WWOX: variants seen among roughly 807,000 people sequenced by gnomAD.
WWOX encodes WW domain-containing oxidoreductase.
In WWOX, 69 loss-of-function variants were observed where a neutral mutation model predicts 46.2. The observed-to-expected ratio is 1.49, with a 90% CI of 1.23 to 1.82. The LOEUF is 1.82. Among genes scored for constraint, WWOX ranks in the 40% most tolerant of loss-of-function variants. The probability of loss-of-function intolerance (pLI) is 0.00; values close to 1 mark genes in which losing one functional copy is unlikely to be tolerated. For missense variants in WWOX, 919 were observed against 542.6 expected, an observed-to-expected ratio of 1.69 and a Z score of -6.89; for synonymous variants, 359 against 202.6, an observed-to-expected ratio of 1.77 and a Z score of -6.56.
At chr16:78,371,250 C>A (rs1277077311) in intron 5 of WWOX, among the ~76,000 whole-genome samples, 1 of 152,098 alleles carries the variant, frequency 6.6e-6, no homozygotes, top group Non-Finnish European at 1.5e-5. Flanking sequence ...CATCCACTTC[C>A]TAGCTATGAC....
chr16:78,805,671 A>C (rs1057499415), intron 8 of WWOX, among the ~76,000 whole-genome samples: 1 of 152,186 alleles, frequency 6.6e-6, no homozygotes, highest in Non-Finnish European at 1.5e-5. Context: ...TAAGACTTAA[A>C]CAGCTTCTTA....
At chr16:78,107,706 G>A (rs956511179) in intron 1 of WWOX, among the ~76,000 whole-genome samples, 1 of 152,082 alleles carries the variant, frequency 6.6e-6, no homozygotes, top group Non-Finnish European at 1.5e-5. Context: ...AAGGTGGCAC[G>A]GGCTTCTAGT....
intron 8 of WWOX, among the ~76,000 whole-genome samples, chr16:78,916,013 T>A (rs2045242511): frequency 6.6e-6 from 1 of 152,192 alleles, no homozygotes. Context: ...TTTTGAACTC[T>A]AATTAGGGAA....
intron 5 of WWOX, among the ~76,000 whole-genome samples, chr16:78,313,439 T>C (rs963899347): frequency 1.3e-5 from 2 of 152,202 alleles, no homozygotes; most frequent in African/African-American, 4.8e-5. Context: ...CGATCTTAGC[T>C]CACCACAAGC....
At chr16:78,602,538 C>T (rs909603174) in intron 8 of WWOX, among the ~76,000 whole-genome samples, 7 of 152,022 alleles carry the variant, frequency 4.6e-5, no homozygotes, top group Admixed American at 6.6e-5. Flanking sequence ...GGCCTCTTCT[C>T]GATAGATCTT....
intron 8 of WWOX, among the ~76,000 whole-genome samples, chr16:78,567,694 C>T (rs2044607426): frequency 6.6e-6 from 1 of 152,082 alleles, no homozygotes; most frequent in African/African-American, 2.4e-5. Context: ...TGGCTGTTCC[C>T]CACTGGCTGT....
intron 8 of WWOX, among the ~76,000 whole-genome samples, chr16:79,038,287 A>G (rs1347945075): frequency 6.6e-6 from 1 of 152,220 alleles, no homozygotes; most frequent in Non-Finnish European, 1.5e-5. Context: ...GATAAAATAC[A>G]TAAAAGGGCG....
chr16:78,199,598 C>T (rs950443681), intron 5 of WWOX, among the ~76,000 whole-genome samples: 13 of 152,148 alleles, frequency 8.5e-5, no homozygotes, highest in African/African-American at 2.7e-4. Flanking sequence ...GCATGCCATT[C>T]GCTCACTAGC....
chr16:78,753,858 ATATG>A (rs2049564006), intron 8 of WWOX, among the ~76,000 whole-genome samples: 1 of 124,948 alleles, frequency 8.0e-6, no homozygotes, highest in South Asian at 2.7e-4. Flanking sequence ...ATATATATGT[ATATG>A]TATATGTATA....
chr16:78,410,719 C>G (rs59649684), intron 6 of WWOX, among the ~76,000 whole-genome samples: 3 of 148,716 alleles, frequency 2.0e-5, no homozygotes, highest in Non-Finnish European at 4.4e-5. Flanking sequence ...GGCTGGAGAA[C>G]AGCTTCAAAA....
intron 6 of WWOX, among the ~76,000 whole-genome samples, chr16:78,406,103 T>G (rs2082525244): frequency 6.6e-6 from 1 of 151,734 alleles, no homozygotes; most frequent in African/African-American, 2.4e-5. Context: ...AAAGATGCCC[T>G]TCGTATTGTG....
intron 8 of WWOX, among the ~76,000 whole-genome samples, chr16:79,090,440 T>C (rs1411229818): frequency 1.3e-5 from 2 of 152,150 alleles, no homozygotes; most frequent in Non-Finnish European, 2.9e-5. Flanking sequence ...CAATACCTAG[T>C]GATACAGCAG....
intron 8 of WWOX, among the ~76,000 whole-genome samples, chr16:78,921,320 T>C (rs2045373728): frequency 6.6e-6 from 1 of 152,154 alleles, no homozygotes; most frequent in Non-Finnish European, 1.5e-5. Context: ...ACTAAAACCA[T>C]TTGCTAATGA....
At chr16:78,125,575 C>G (rs987730906) in intron 4 of WWOX, among the ~76,000 whole-genome samples, 6 of 152,050 alleles carry the variant, frequency 3.9e-5, no homozygotes, top group Non-Finnish European at 4.4e-5. Flanking sequence ...GAAGCTGAAG[C>G]TTAGGAGTGG....
At chr16:78,171,317 A>G (rs1315135102) in intron 5 of WWOX, among the ~76,000 whole-genome samples, 1 of 152,080 alleles carries the variant, frequency 6.6e-6, no homozygotes, top group African/African-American at 2.4e-5. Context: ...AACTCCACCT[A>G]CTTTTAGGCT....
chr16:78,798,052 C>G (rs923658517), intron 8 of WWOX, among the ~76,000 whole-genome samples: 2 of 152,116 alleles, frequency 1.3e-5, no homozygotes, highest in African/African-American at 2.4e-5. Flanking sequence ...CCCATGGAAT[C>G]CAGTCTTCTC....
At chr16:78,955,956 T>C (rs531764292) in intron 8 of WWOX, among the ~76,000 whole-genome samples, 2 of 152,004 alleles carry the variant, frequency 1.3e-5, no homozygotes, top group South Asian at 2.1e-4. Context: ...CCTCTGGCCT[T>C]CTTTTCACTT....
At chr16:78,738,668 A>G (rs530803495) in intron 8 of WWOX, among the ~76,000 whole-genome samples, 3 of 152,136 alleles carry the variant, frequency 2.0e-5, no homozygotes, top group East Asian at 1.9e-4. Flanking sequence ...CCTTGATCGC[A>G]TTTGCTTCTC....
intron 5 of WWOX, among the ~76,000 whole-genome samples, chr16:78,304,321 T>G (rs1230378986): frequency 6.6e-6 from 1 of 152,256 alleles, no homozygotes; most frequent in Non-Finnish European, 1.5e-5. Flanking sequence ...TTAATTAGGT[T>G]AATGCATTGA....
Sources: gnomAD v4.1 joint callset for allele counts (sites outside exome capture counted in the v4.1 genomes callset) on GRCh38, gnomAD v4.1.1 for gene constraint, MANE v1.5 for transcripts, NCBI Gene and HGNC (gene_info 2026-07-23, HGNC 2026-07-21) for gene names.